AGBL4: variants seen among roughly 807,000 people sequenced by gnomAD.
AGBL4 encodes the protein AGBL carboxypeptidase 4.
In AGBL4, 58 loss-of-function variants were observed where a neutral mutation model predicts 66.4. The observed-to-expected ratio is 0.87, with a 90% CI of 0.71 to 1.09. The LOEUF (loss-of-function observed/expected upper bound fraction) is 1.09, where lower values mean the gene tolerates loss of function less well. Ranked by LOEUF, AGBL4 falls within the 50% of genes least tolerant of loss-of-function variation. The pLI is 0.00. For missense variants in AGBL4, 579 were observed against 631.0 expected (o/e 0.92, Z 0.88); for synonymous variants, 234 against 222.9 (o/e 1.05, Z -0.44).
At chr1:49,674,723 G>A (rs1163708181) in intron 3 of AGBL4, among the ~76,000 whole-genome samples, 1 of 151,646 alleles carries the variant, frequency 6.6e-6, no homozygotes, top group African/African-American at 2.4e-5. Flanking sequence ...CCAAAAAAAA[G>A]AACGAAATCA....
chr1:49,404,583 G>A lies in AGBL4; in HGVS notation c.283-158719C>T, dbSNP rs1305412021. 1.3e-5 allele frequency among the ~76,000 whole-genome samples: 2 copies of A among 152,180 alleles called. 1 individual carries two copies. The highest frequency in any genetic ancestry group is 4.8e-5 in the African/African-American group (2 of 41,450). On this transcript the variant is annotated intron_variant, in intron 3 of 13. Coordinates refer to ENST00000371839, the MANE Select transcript of AGBL4 (RefSeq NM_032785.4). ...CTATGTAGGCACCATTACACTATAT[G>A]ATCCTTGAGGGTAGTGGAACCTACG...
At chr1:49,895,467 T>C (rs1482042585) in intron 1 of AGBL4, among the ~76,000 whole-genome samples, 3 of 151,990 alleles carry the variant, frequency 2.0e-5, no homozygotes, top group Non-Finnish European at 4.4e-5. Flanking sequence ...AATGAACCAA[T>C]CAAAAATAAA....
At chr1:49,980,673 T>C (rs1658987167) in intron 1 of AGBL4, among the ~76,000 whole-genome samples, 1 of 152,178 alleles carries the variant, frequency 6.6e-6, no homozygotes, top group Non-Finnish European at 1.5e-5. Flanking sequence ...CATCTCCCAA[T>C]GAACATTTGG....
rs369780714 is a variant in AGBL4, at chr1:48,994,874, T to C, written c.594+50710A>G. On this transcript the variant is annotated intron_variant, in intron 5 of 13. Coordinates refer to ENST00000371839, the MANE Select transcript of AGBL4 (RefSeq NM_032785.4). ...ATTAGATCAGGTACAGATACATAAT[T>C]CCAAAATTCATGTAATCCATATTCT... Among the ~76,000 whole-genome samples, 71 of 152,214 alleles carry C rather than the reference T, an allele frequency of 4.7e-4. 1 individual carries two copies. In the South Asian group the frequency reaches 9.5e-3, roughly 20 times the overall value.
At chr1:49,957,252 C>A (rs1656687329) in intron 1 of AGBL4, among the ~76,000 whole-genome samples, 1 of 152,030 alleles carries the variant, frequency 6.6e-6, no homozygotes, top group Admixed American at 6.6e-5. Context: ...AGATCTTTTA[C>A]ATTTGCTAGG....
intron 3 of AGBL4, among the ~76,000 whole-genome samples, chr1:49,269,551 T>C (rs1644007753): frequency 6.6e-6 from 1 of 152,132 alleles, no homozygotes; most frequent in Non-Finnish European, 1.5e-5. Flanking sequence ...ACATTTACTA[T>C]CTATTCTCTC....
At chr1:49,595,622 TTAA>T (rs1644837817) in intron 3 of AGBL4, among the ~76,000 whole-genome samples, 1 of 152,142 alleles carries the variant, frequency 6.6e-6, no homozygotes, top group Non-Finnish European at 1.5e-5. Flanking sequence ...TTCTTTTTTT[TTAA>T]TGGTGTTTCT....
chr1:49,202,030 T>C (rs551471303), intron 4 of AGBL4, among the ~76,000 whole-genome samples: 1 of 152,252 alleles, frequency 6.6e-6, no homozygotes, highest in African/African-American at 2.4e-5. Flanking sequence ...AGTAACACTT[T>C]AATTCCCTCA....
chr1:49,118,405 T>C (rs1645577719), intron 4 of AGBL4, among the ~76,000 whole-genome samples: 1 of 152,244 alleles, frequency 6.6e-6, no homozygotes, highest in Non-Finnish European at 1.5e-5. Context: ...ATATGTAGTT[T>C]ATTGAGAGTT....
At position 49,413,534 on chromosome 1, in the gene AGBL4, G is replaced by A. The variant is rs144083904; in HGVS notation, c.283-167670C>T. On this transcript the variant is annotated intron_variant, in intron 3 of 13. Coordinates refer to ENST00000371839, the MANE Select transcript of AGBL4 (RefSeq NM_032785.4). ...GCCTTTTCCTAGACCTGAGGGTGAA[G>A]CCCAAGTTGCAAAGAATAAAAAGTT... Among the ~76,000 whole-genome samples, 212 of 152,328 alleles carry A rather than the reference G, an allele frequency of 1.4e-3. 1 individual carries two copies. Among genetic ancestry groups the A allele is most frequent in the African/African-American group, 4.8e-3 (201 of 41,586 alleles).
chr1:49,250,522 C>T lies in AGBL4; in HGVS notation c.283-4658G>A, dbSNP rs1226300913. Among the ~76,000 whole-genome samples, 3 of 147,600 alleles carry T rather than the reference C, an allele frequency of 2.0e-5. No homozygotes were observed. In the Admixed American group the frequency reaches 2.1e-4, roughly 10 times the overall value. On this transcript the variant is annotated intron_variant, in intron 3 of 13. Transcript: ENST00000371839. ...GCAGTGGCTTGATCTCAGCTCATTGCAACCTCCACCTCCTGGGTTCAAGCG... is the reference window on the plus strand; with the variant it reads ...GCAGTGGCTTGATCTCAGCTCATTGTAACCTCCACCTCCTGGGTTCAAGCG...
chr1:49,729,934 G>T (rs185386524), intron 2 of AGBL4, among the ~76,000 whole-genome samples: 16 of 152,264 alleles, frequency 1.1e-4, no homozygotes, highest in African/African-American at 3.6e-4. Flanking sequence ...TGAGCTGCCA[G>T]TCCCAGATAG....
At chr1:48,693,427 T>A (rs1248640964) in intron 6 of AGBL4, among the ~76,000 whole-genome samples, 1 of 152,182 alleles carries the variant, frequency 6.6e-6, no homozygotes, top group Non-Finnish European at 1.5e-5. Flanking sequence ...ATGGCTGACC[T>A]GCTTTCCCTG....
intron 6 of AGBL4, among the ~76,000 whole-genome samples, chr1:48,813,175 C>G (rs1441239193): frequency 6.6e-6 from 1 of 152,052 alleles, no homozygotes; most frequent in Non-Finnish European, 1.5e-5. Context: ...TGTTGAAACA[C>G]AGAAGAGGCA....
intron 3 of AGBL4, among the ~76,000 whole-genome samples, chr1:49,329,060 G>A (rs758299728): frequency 3.4e-4 from 52 of 152,190 alleles, no homozygotes; most frequent in Non-Finnish European, 6.6e-4. Context: ...TAATCTCAGC[G>A]CTTTGGGAGG....
chr1:49,655,696 C>G (rs1236997286), intron 3 of AGBL4, among the ~76,000 whole-genome samples: 2 of 152,126 alleles, frequency 1.3e-5, no homozygotes, highest in Non-Finnish European at 2.9e-5. Context: ...CAAGAAATAA[C>G]TAAGATCAGA....
chr1:49,561,993 T>C (rs960863897), intron 3 of AGBL4, among the ~76,000 whole-genome samples: 3 of 152,024 alleles, frequency 2.0e-5, no homozygotes, highest in Non-Finnish European at 2.9e-5. Context: ...TTTTAATGAC[T>C]GCCATTCTAA....
At chr1:48,828,925 G>T (rs1464026297) in intron 6 of AGBL4, among the ~76,000 whole-genome samples, 1 of 152,092 alleles carries the variant, frequency 6.6e-6, no homozygotes, top group African/African-American at 2.4e-5. Context: ...TTGTGTACGT[G>T]TGTGTGTGTA....
intron 1 of AGBL4, among the ~76,000 whole-genome samples, chr1:50,004,211 A>T (rs888764458): frequency 2.6e-5 from 4 of 152,280 alleles, no homozygotes; most frequent in African/African-American, 9.6e-5. Flanking sequence ...ACTGAGCAGA[A>T]ATCAACCAGT....
Sources: gnomAD v4.1 joint callset for allele counts (sites outside exome capture counted in the v4.1 genomes callset) on GRCh38, gnomAD v4.1.1 for gene constraint, MANE v1.5 for transcripts, NCBI Gene and HGNC (gene_info 2026-07-23, HGNC 2026-07-21) for gene names.